The following NFAT5 variants were observed in gnomAD, a reference collection of about 807,000 sequenced individuals.
The protein encoded by NFAT5 is nuclear factor of activated T-cells 5.
NFAT5 carries 31 observed loss-of-function variants against 166.5 expected under a neutral mutation model. The ratio of observed to expected loss-of-function variants is 0.19; its 90% CI spans 0.14 to 0.25. The LOEUF (loss-of-function observed/expected upper bound fraction) is 0.25, where lower values mean the gene tolerates loss of function less well. NFAT5 is among the 10% of genes least tolerant of loss of function. The pLI is 1.00. For missense variants in NFAT5, 1,449 were observed against 1,821.8 expected (o/e 0.80, Z 3.72); for synonymous variants, 612 against 639.7 (o/e 0.96, Z 0.65).
intron 7 of NFAT5, among the ~76,000 whole-genome samples, chr16:69,664,229 G>GA (rs1168114475): frequency 6.6e-6 from 1 of 152,062 alleles, no homozygotes; most frequent in Admixed American, 6.6e-5. Context: ...TTGACAGGTT[G>GA]AAATATTTGC....
intron 2 of NFAT5, among the ~76,000 whole-genome samples, chr16:69,624,684 A>C (rs927301705): frequency 6.6e-6 from 1 of 152,134 alleles, no homozygotes; most frequent in Non-Finnish European, 1.5e-5. Flanking sequence ...GTATTTATGA[A>C]TCCAGTAAGC....
chr16:69,683,074 G>A (rs994571851), intron 10 of NFAT5, among the ~76,000 whole-genome samples: 12 of 152,130 alleles, frequency 7.9e-5, no homozygotes, highest in African/African-American at 1.4e-4. Context: ...AACAGGGTGC[G>A]GTGGGGCATG....
At chr16:69,639,496 A>G (rs1036840367) in intron 3 of NFAT5, among the ~76,000 whole-genome samples, 2 of 152,278 alleles carry the variant, frequency 1.3e-5, no homozygotes, top group South Asian at 4.1e-4. Context: ...GATGAACTGG[A>G]GAAGAAAAAG....
chr16:69,580,222 C>CAT (rs2031579757), intron 2 of NFAT5, among the ~76,000 whole-genome samples: 1 of 151,558 alleles, frequency 6.6e-6, no homozygotes, highest in Non-Finnish European at 1.5e-5. Context: ...TGTAATGTAA[C>CAT]TACATTACAT....
intron 2 of NFAT5, among the ~76,000 whole-genome samples, chr16:69,582,821 T>C (rs2031787182): frequency 6.6e-6 from 1 of 151,980 alleles, no homozygotes; most frequent in Admixed American, 6.6e-5. Flanking sequence ...TTTTTTCTTC[T>C]TTTGTAGGAT....
intron 10 of NFAT5, among the ~76,000 whole-genome samples, chr16:69,679,264 C>T (rs532073429): frequency 6.6e-6 from 1 of 151,986 alleles, no homozygotes; most frequent in African/African-American, 2.4e-5. Flanking sequence ...CTGAATTTTG[C>T]AACATTATTT....
chr16:69,651,796 G>A (rs927548087), intron 4 of NFAT5, among the ~76,000 whole-genome samples: 6 of 151,210 alleles, frequency 4.0e-5, no homozygotes, highest in East Asian at 2.0e-4. Flanking sequence ...TCAGCCTCCC[G>A]AGTAGATGGG....
chr16:69,662,105 T>C (rs2036170685), intron 7 of NFAT5, among the ~76,000 whole-genome samples: 1 of 152,078 alleles, frequency 6.6e-6, no homozygotes, highest in Non-Finnish European at 1.5e-5. Context: ...AATTGTATTA[T>C]AAAGTTATAT....
At chr16:69,599,058 A>G (rs4633710) in intron 2 of NFAT5, among the ~76,000 whole-genome samples, 81,244 of 149,296 alleles carry the variant, frequency 0.54, 23,527 homozygotes, top group East Asian at 0.82. Flanking sequence ...TATGGGATTG[A>G]CAAGTCCATA....
At chr16:69,620,488 C>T (rs1200700545) in intron 2 of NFAT5, among the ~76,000 whole-genome samples, 2 of 152,188 alleles carry the variant, frequency 1.3e-5, no homozygotes, top group African/African-American at 2.4e-5. Flanking sequence ...AATTCTAGCA[C>T]TTTGGAAGGC....
chr16:69,704,057 A>T lies in NFAT5; in HGVS notation c.*7706A>T, dbSNP rs1363266767. On this transcript the variant is annotated 3_prime_UTR_variant, in exon 15 of 15. Coordinates refer to ENST00000349945, the MANE Select transcript of NFAT5 (RefSeq NM_138713.4). ...GCACACAAAATCTCAGCTGTTGAAG[A>T]GTGGGCTTGGAATCAGACTTCTGTG... is the stretch of plus-strand genomic sequence containing the variant. 1.3e-5 allele frequency: 2 copies of T among 152,584 alleles called. No individual in the cohort carries two copies. Among genetic ancestry groups the T allele is most frequent in the Admixed American group, 1.3e-4 (2 of 15,268 alleles). The allele number at this position is 152,584 out of a possible 1,614,324, so 9.5% of individuals were successfully genotyped here.
intron 3 of NFAT5, among the ~76,000 whole-genome samples, chr16:69,627,355 TATATATATATATATATATATATATATA>T (rs2034516001): frequency 3.4e-4 from 11 of 32,610 alleles, no homozygotes; most frequent in Non-Finnish European, 6.0e-4. Flanking sequence ...TATATATATA[TATATATATATATATATATATATATATA>T]TTTTGAAGTT....
At chr16:69,634,442 CAAAT>C (rs2034865078) in intron 3 of NFAT5, among the ~76,000 whole-genome samples, 1 of 152,006 alleles carries the variant, frequency 6.6e-6, no homozygotes, top group African/African-American at 2.4e-5. Flanking sequence ...TAAAAACTAA[CAAAT>C]ATATGGGATA....
At chr16:69,574,736 T>C (rs2016641850) in intron 2 of NFAT5, among the ~76,000 whole-genome samples, 1 of 152,058 alleles carries the variant, frequency 6.6e-6, no homozygotes, top group South Asian at 2.1e-4. Context: ...TGGCACAATC[T>C]TGGCTTATTG....
chr16:69,656,484 G>A (rs866712717), intron 6 of NFAT5, among the ~76,000 whole-genome samples: 10 of 147,182 alleles, frequency 6.8e-5, no homozygotes, highest in South Asian at 6.5e-4. Context: ...CAGAGTCTCC[G>A]TCTGTCGCCC....
intron 2 of NFAT5, among the ~76,000 whole-genome samples, chr16:69,624,796 T>G (rs1235902930): frequency 1.3e-5 from 2 of 152,116 alleles, no homozygotes; most frequent in Non-Finnish European, 2.9e-5. Flanking sequence ...CTTCTTCAAT[T>G]TTTGGAATTT....
chr16:69,607,308 G>A (rs2033463492), intron 2 of NFAT5, among the ~76,000 whole-genome samples: 1 of 152,140 alleles, frequency 6.6e-6, no homozygotes, highest in South Asian at 2.1e-4. Flanking sequence ...ACTGACACAA[G>A]GATCAGATGC....
At chr16:69,578,878 T>C (rs1390624657) in intron 2 of NFAT5, among the ~76,000 whole-genome samples, 2 of 142,046 alleles carry the variant, frequency 1.4e-5, no homozygotes, top group Admixed American at 1.4e-4. Flanking sequence ...TCTGAATAAG[T>C]TTTTTTTTTT....
At chr16:69,670,689 C>G (rs189499744) in intron 9 of NFAT5, among the ~76,000 whole-genome samples, 3 of 152,284 alleles carry the variant, frequency 2.0e-5, no homozygotes. Context: ...ACTCATCACA[C>G]TGATATTAGT....
Sources: gnomAD v4.1 joint callset for allele counts (sites outside exome capture counted in the v4.1 genomes callset) on GRCh38, gnomAD v4.1.1 for gene constraint, MANE v1.5 for transcripts, NCBI Gene and HGNC (gene_info 2026-07-23, HGNC 2026-07-21) for gene names.